MEF2C: variants seen among roughly 807,000 people sequenced by gnomAD.
MEF2C encodes the protein myocyte enhancer factor 2C, also known as myocyte-specific enhancer factor 2C.
Under a neutral mutation model 50.5 loss-of-function variants are expected in MEF2C, and 6 were observed. That is an observed-to-expected ratio of 0.12 (90% confidence interval 0.07 to 0.23). The LOEUF is 0.23. Among genes scored for constraint, MEF2C ranks in the 10% least tolerant of loss-of-function variants. The pLI is 1.00. For missense variants in MEF2C, 276 were observed against 605.0 expected (o/e 0.46, Z 5.70); for synonymous variants, 183 against 228.0 (o/e 0.80, Z 1.78).
intron 1 of MEF2C, among the ~76,000 whole-genome samples, chr5:88,894,554 A>C (rs1051707205): frequency 6.6e-6 from 1 of 152,348 alleles, no homozygotes; most frequent in Middle Eastern, 3.4e-3. Context: ...TTGTTGGCAA[A>C]TCCTTATCAT....
intron 1 of MEF2C, among the ~76,000 whole-genome samples, chr5:88,850,708 ACACACACACACATATATATG>A (rs1383893919): frequency 1.3e-5 from 2 of 151,308 alleles, no homozygotes; most frequent in African/African-American, 4.8e-5. Context: ...ATATACACAT[ACACACACACACATATATATG>A]CACACACACA....
chr5:88,815,174 G>C (rs1804749645), intron 2 of MEF2C, among the ~76,000 whole-genome samples: 1 of 152,062 alleles, frequency 6.6e-6, no homozygotes, highest in Middle Eastern at 3.2e-3. Context: ...ATGTTTACTA[G>C]TTCAACAAAG....
At chr5:88,770,552 C>A (rs138397307) in intron 3 of MEF2C, among the ~76,000 whole-genome samples, 1 of 152,294 alleles carries the variant, frequency 6.6e-6, no homozygotes, top group Non-Finnish European at 1.5e-5. Flanking sequence ...TATATCATTT[C>A]TTTTCCCATT....
chr5:88,879,663 T>C (rs886473559), intron 1 of MEF2C, among the ~76,000 whole-genome samples: 5 of 152,112 alleles, frequency 3.3e-5, no homozygotes, highest in Non-Finnish European at 7.4e-5. Context: ...GACAATTTAA[T>C]GTTTGTTCAT....
chr5:88,805,739 A>ATTTCACTC (rs201928300), intron 2 of MEF2C, among the ~76,000 whole-genome samples: 3,790 of 147,374 alleles, frequency 0.026, 149 homozygotes, highest in African/African-American at 0.09. Context: ...GCAAAAATAC[A>ATTTCACTC]TTTCACTCTT....
At chr5:88,797,454 C>CTTTTTTTTTTTTTTTTTTT (rs1169605093) in intron 3 of MEF2C, among the ~76,000 whole-genome samples, 4 of 25,220 alleles carry the variant, frequency 1.6e-4, no homozygotes, top group Admixed American at 3.8e-4. Context: ...GCAACCCTTG[C>CTTTTTTTTTTTTTTTTTTT]CTTTTTTTTT....
chr5:88,859,619 T>C (rs573350977), intron 1 of MEF2C, among the ~76,000 whole-genome samples: 11 of 152,364 alleles, frequency 7.2e-5, no homozygotes, highest in African/African-American at 2.6e-4. Flanking sequence ...GTTATATAAC[T>C]GCTACAACCT....
chr5:88,876,385 T>C (rs529241287), intron 1 of MEF2C, among the ~76,000 whole-genome samples: 2 of 152,036 alleles, frequency 1.3e-5, no homozygotes, highest in Non-Finnish European at 2.9e-5. Context: ...CTCCAGTGAA[T>C]ATTTCTGCTA....
At chr5:88,798,501 G>A (rs1456789695) in intron 3 of MEF2C, among the ~76,000 whole-genome samples, 1 of 151,890 alleles carries the variant, frequency 6.6e-6, no homozygotes, top group Non-Finnish European at 1.5e-5. Context: ...GGTCATTTAT[G>A]TTCTTCTCTA....
intron 1 of MEF2C, among the ~76,000 whole-genome samples, chr5:88,880,018 G>C (rs1832324035): frequency 6.6e-6 from 1 of 151,620 alleles, no homozygotes; most frequent in South Asian, 2.1e-4. Context: ...AGATCTCGGT[G>C]AACAGTCAAG....
At chr5:88,859,295 C>T (rs1824651081) in intron 1 of MEF2C, among the ~76,000 whole-genome samples, 2 of 152,238 alleles carry the variant, frequency 1.3e-5, no homozygotes, top group South Asian at 4.1e-4. Flanking sequence ...TTCCTGGGAA[C>T]ATAATGGTAT....
chr5:88,778,201 C>T (rs1785888228), intron 3 of MEF2C, among the ~76,000 whole-genome samples: 1 of 152,274 alleles, frequency 6.6e-6, no homozygotes, highest in East Asian at 1.9e-4. Context: ...AGCCACCACG[C>T]CCGGCTGCTA....
chr5:88,737,968 G>A (rs1041661400), intron 6 of MEF2C: 27 of 985,354 alleles, frequency 2.7e-5, no homozygotes, highest in Non-Finnish European at 3.1e-5. Flanking sequence ...AGACAAAAGG[G>A]GGTTGGACTG....
At position 88,836,159 on chromosome 5, in the gene MEF2C, A is replaced by C. The variant is rs925918659; in HGVS notation, c.-142-12229T>G. Reference sequence around the variant, plus strand: ...TGAACACTTATCGATTTTCATTTACAATCAATCAAATGCCCTACAAAAGAA... The same window carrying C: ...TGAACACTTATCGATTTTCATTTACCATCAATCAAATGCCCTACAAAAGAA... On this transcript the variant is annotated intron_variant, in intron 1 of 10. Transcript: ENST00000504921. 3.3e-5 allele frequency among the ~76,000 whole-genome samples: 5 copies of C among 152,330 alleles called. No individual in the cohort carries two copies. The Middle Eastern group carries it at 0.01, about 311-fold the overall frequency.
intron 1 of MEF2C, among the ~76,000 whole-genome samples, chr5:88,898,942 C>A (rs1014272372): frequency 6.6e-6 from 1 of 152,012 alleles, no homozygotes; most frequent in African/African-American, 2.4e-5. Flanking sequence ...GTTTCTTGTT[C>A]CAACATTTTC....
chr5:88,853,249 T>TA (rs967855044), intron 1 of MEF2C, among the ~76,000 whole-genome samples: 6 of 151,844 alleles, frequency 4.0e-5, no homozygotes, highest in Admixed American at 1.3e-4. Flanking sequence ...CATTTGTTTT[T>TA]AAAAAAAAGT....
At chr5:88,814,365 T>G (rs1161459575) in intron 2 of MEF2C, among the ~76,000 whole-genome samples, 2 of 151,954 alleles carry the variant, frequency 1.3e-5, no homozygotes, top group African/African-American at 4.8e-5. Flanking sequence ...TGACGGGGCC[T>G]GCCATCGTAA....
intron 6 of MEF2C, chr5:88,738,416 C>T (rs146001484): frequency 1.0e-6 from 1 of 969,070 alleles, no homozygotes; most frequent in South Asian, 4.8e-5. Context: ...ATATAAAGCA[C>T]TTTTAATCTT....
chr5:88,872,769 G>A (rs1033601365), intron 1 of MEF2C, among the ~76,000 whole-genome samples: 1 of 151,906 alleles, frequency 6.6e-6, no homozygotes, highest in African/African-American at 2.4e-5. Context: ...GGGGCTTTCT[G>A]GTCATTAAAA....
Sources: allele counts gnomAD v4.1 joint callset (sites outside exome capture counted in the v4.1 genomes callset), GRCh38; gene constraint gnomAD v4.1.1; transcripts MANE v1.5; gene names NCBI Gene and HGNC (gene_info 2026-07-23, HGNC 2026-07-21).